The following WDR74 variants were observed in gnomAD, a reference collection of about 807,000 sequenced individuals.
WDR74 encodes WD repeat domain 74.
In WDR74, 31 loss-of-function variants were observed where a neutral mutation model predicts 45.6. The observed-to-expected ratio is 0.68, with a 90% confidence interval of 0.51 to 0.92. WDR74 has a LOEUF of 0.92. Ranked by LOEUF, WDR74 falls within the 40% of genes least tolerant of loss-of-function variation. The probability of loss-of-function intolerance (pLI) is 0.00; values close to 1 mark genes in which losing one functional copy is unlikely to be tolerated. For synonymous variants in WDR74, 191 were observed against 192.4 expected (o/e 0.99, Z 0.06); for missense variants, 455 against 497.2 (o/e 0.92, Z 0.81).
rs370395012 is a variant in WDR74 at position 62,834,256 on chromosome 11, A to G, written c.775+20T>C. The G allele has an allele frequency of 9.1e-5, 147 of 1,613,656 alleles. No individual in the cohort carries two copies. The highest frequency in any genetic ancestry group is 3.3e-4 in the Middle Eastern group (2 of 6,042). On this transcript the variant is annotated intron_variant, in intron 8 of 10. Transcript: ENST00000278856. ...TCTCCCTGCTCCTTCCTTTCCCCCA[A>G]TGTACCCTAGTCCACTCACCTTGCC...
At position 62,837,613 on chromosome 11, in the gene WDR74, C is replaced by T. The variant is rs1590988811; in HGVS notation, c.293+1501G>A. Among the ~76,000 whole-genome samples the T allele has an allele frequency of 2.0e-5, 3 of 152,242 alleles. No individual in the cohort carries two copies. The South Asian group carries it at 6.2e-4, about 32-fold the overall frequency. ...GCATGCCTCCAGTCCTTGGCCTCTC[C>T]CAGGCAGTACCCTCTTTCTAGAATA... On this transcript the variant is annotated intron_variant, in intron 3 of 10. Transcript: ENST00000278856.
rs1464635406 is a variant in WDR74, at chr11:62,839,338, G to A, written c.155C>T (p.Thr52Ile). The part of the protein sequence containing the change: ...EEAVSALCWG[T>I]GGETQMLVGC... ...GCCACTCACCTGGGTCTCGCCGCCG[G>A]TGCCCCAACACAGGGCGCTCACTGC... is the stretch of plus-strand genomic sequence containing the variant. Residue 52 changes from threonine (T) to isoleucine (I), a missense_variant, in exon 2 of 11, where the codon ACC (threonine) becomes ATC (isoleucine). Transcript: ENST00000278856. The A allele has an allele frequency of 1.9e-6, 3 of 1,611,138 alleles. No homozygotes were observed. The highest frequency in any genetic ancestry group is 3.3e-5 in the Admixed American group (2 of 59,976).
At chr11:62,833,986 C>G (rs781346084) in intron 8 of WDR74, 49 bp from the exon 9 acceptor site, 1 of 1,600,296 alleles carries the variant, frequency 6.2e-7, no homozygotes, top group Admixed American at 1.7e-5. Context: ...CAATAACCAA[C>G]CATTCATTGT....
chr11:62,838,441 C>T (rs2084991119), intron 3 of WDR74, among the ~76,000 whole-genome samples: 1 of 151,920 alleles, frequency 6.6e-6, no homozygotes, highest in Non-Finnish European at 1.5e-5. Flanking sequence ...AGGCATGAGC[C>T]ACCACACCCA....
chr11:62,834,655 C>T, intron 6 of WDR74, 128 bp from the exon 7 acceptor site: 1 of 789,846 alleles, frequency 1.3e-6, no homozygotes, highest in Non-Finnish European at 2.0e-6. Flanking sequence ...ACTTTCTCAT[C>T]TTAGATGTAT....
At position 62,835,845 on chromosome 11, in the gene WDR74, T is replaced by C; in HGVS notation, c.370-4A>G. ...GGCCCACTCTCAGTTCCAGGAGCTG[T>C]AAAGAATAGGAGATAAGAGTCCGTT... On this transcript the variant is annotated splice_polypyrimidine_tract_variant and splice_region_variant and intron_variant, in intron 4 of 10. Coordinates refer to ENST00000278856, the MANE Select transcript of WDR74 (RefSeq NM_001369450.1). 3 of 1,608,550 alleles carry C rather than the reference T, an allele frequency of 1.9e-6. No homozygotes were observed. Among genetic ancestry groups the C allele is most frequent in the Non-Finnish European group, 2.5e-6 (3 of 1,177,382 alleles).
At position 62,835,765 on chromosome 11, in the gene WDR74, C is replaced by A; in HGVS notation, c.446G>T (p.Gly149Val). 1 of 1,613,946 alleles carries A rather than the reference C, an allele frequency of 6.2e-7. No homozygotes were observed. Among genetic ancestry groups the A allele is most frequent in the Non-Finnish European group, 8.5e-7 (1 of 1,179,854 alleles). ...DPAHPHVVAT[G>V]GKENALKIWD... ...TATCTTCAAAGCATTCTCTTTCCCA[C>A]CTGTGGCAACCACATGGGGGTGTGC... is the stretch of plus-strand genomic sequence containing the variant. The change falls in exon 5 of 11, where the codon GGT becomes GTT. Residue 149 changes from glycine to valine, a missense_variant. Gly to Val is a moderately radical substitution (Grantham distance 109, BLOSUM62 -3). Transcript: ENST00000278856.
chr11:62,841,695 C>G (rs543018555), upstream of WDR74: 4 of 152,340 alleles, frequency 2.6e-5, no homozygotes, highest in Middle Eastern at 3.4e-3. Context: ...CCTATTCCAT[C>G]TCCTATTTCC....
At chr11:62,835,382 A>G (rs374731833) in intron 6 of WDR74, 49 bp downstream of exon 6, 137 of 1,561,782 alleles carry the variant, frequency 8.8e-5, no homozygotes, top group Non-Finnish European at 1.1e-4. Context: ...CCATTTCTCC[A>G]GGAGGCTGCT....
upstream of WDR74, among the ~76,000 whole-genome samples, chr11:62,840,579 G>A (rs2085031606): frequency 6.6e-6 from 1 of 152,132 alleles, no homozygotes; most frequent in Admixed American, 6.5e-5. Flanking sequence ...TAGCGCATGC[G>A]TAAATAGGAG....
At position 62,835,680 on chromosome 11, in the gene WDR74, A is replaced by T. The variant is rs1438797865; in HGVS notation, c.516+15T>A. The T allele has an allele frequency of 3.1e-6, 5 of 1,613,000 alleles. No homozygotes were observed. Among genetic ancestry groups the T allele is most frequent in the Non-Finnish European group, 4.2e-6 (5 of 1,179,692 alleles). On this transcript the variant is annotated intron_variant, in intron 5 of 10. Coordinates refer to ENST00000278856, the MANE Select transcript of WDR74 (RefSeq NM_001369450.1). Reference sequence around the variant, plus strand: ...TCGACTTCAGGAACAGCTCCTTCACACTCTTGTCACTCACGTTCTTGGCCC... The same window carrying T: ...TCGACTTCAGGAACAGCTCCTTCACTCTCTTGTCACTCACGTTCTTGGCCC...
intron 8 of WDR74, 51 bp downstream of exon 8, chr11:62,834,225 G>C: frequency 6.2e-7 from 1 of 1,612,394 alleles, no homozygotes; most frequent in Non-Finnish European, 8.5e-7. Flanking sequence ...AGGGAATCCT[G>C]ACCCTTCTCC....
Position 62,834,334 on chromosome 11 carries a change from G to A in WDR74, c.720-3C>T. 3.7e-6 allele frequency: 6 copies of A among 1,613,880 alleles called. No homozygotes were observed. The highest frequency in any genetic ancestry group is 1.7e-5 in the Admixed American group (1 of 60,014). On this transcript the variant is annotated splice_polypyrimidine_tract_variant and splice_region_variant and intron_variant, in intron 7 of 10. Coordinates refer to ENST00000278856, the MANE Select transcript of WDR74 (RefSeq NM_001369450.1). The stretch of plus-strand genomic sequence containing the variant: ...GAGTGTTTCCCACAATCACTGAGCT[G>A]AGGATGAGACCAGAGGCAAGTGGGA...
In WDR74 at chr11:62,834,314, T is replaced by C; in HGVS notation, c.737A>G (p.Asn246Ser). 6.2e-7 allele frequency: 1 copy of C among 1,613,900 alleles called. No homozygotes were observed. Among genetic ancestry groups the C allele is most frequent in the Non-Finnish European group, 8.5e-7 (1 of 1,179,884 alleles). ...AATTTCTGCCAGCTGCCCATGAGTG[T>C]TTCCCACAATCACTGAGCTGAGGAT... is the stretch of plus-strand genomic sequence containing the variant. ...TPGGNSVIVGNTHGQLAEIDL... is the reference protein window; with the variant it reads ...TPGGNSVIVGSTHGQLAEIDL... Residue 246 changes from asparagine to serine, a missense_variant, in exon 8 of 11, where the codon AAC (asparagine) becomes AGC (serine). By Grantham distance (46) the Asn-to-Ser change is conservative. Coordinates refer to ENST00000278856, the MANE Select transcript of WDR74 (RefSeq NM_001369450.1).
upstream of WDR74, chr11:62,839,651 G>A (rs561005819): frequency 1.3e-6 from 2 of 1,496,084 alleles, no homozygotes; most frequent in East Asian, 2.3e-5. Context: ...ATGCAGCGCA[G>A]TGTAGTTGCT....
upstream of WDR74, chr11:62,841,424 C>T (rs773487986): frequency 1.2e-4 from 19 of 152,168 alleles, no homozygotes; most frequent in Non-Finnish European, 2.1e-4. Context: ...TTGCTGAAGA[C>T]CACATGGAGA....
At chr11:62,841,466 A>G (rs1042672796), upstream of WDR74, 1 of 152,156 alleles carries the variant, frequency 6.6e-6, no homozygotes, top group South Asian at 2.1e-4. Context: ...ATAAAACAAA[A>G]CCTTCTCTCA....
chr11:62,837,016 C>G (rs1318500193), intron 3 of WDR74, among the ~76,000 whole-genome samples: 1 of 152,146 alleles, frequency 6.6e-6, no homozygotes, highest in African/African-American at 2.4e-5. Context: ...GTGGAGGTTG[C>G]AGTGAGCCGA....
upstream of WDR74, chr11:62,841,719 A>G (rs1273148877): frequency 6.6e-6 from 1 of 152,210 alleles, no homozygotes; most frequent in South Asian, 2.1e-4. Context: ...AATCCATTTA[A>G]TATATTGTCC....
Sources: gnomAD v4.1 joint callset for allele counts (sites outside exome capture counted in the v4.1 genomes callset) on GRCh38, gnomAD v4.1.1 for gene constraint, MANE v1.5 for transcripts, NCBI Gene and HGNC (gene_info 2026-07-23, HGNC 2026-07-21) for gene names.